The following SH3TC2 variants were observed in gnomAD, a reference collection of about 807,000 sequenced individuals.
SH3TC2 encodes SH3 domain and tetratricopeptide repeat-containing protein 2.
SH3TC2 carries 87 observed loss-of-function variants against 124.5 expected under a neutral mutation model. The observed-to-expected ratio is 0.70, with a 90% confidence interval of 0.59 to 0.84. The LOEUF (loss-of-function observed/expected upper bound fraction) is 0.84. SH3TC2 is among the 40% of genes least tolerant of loss of function. The probability of loss-of-function intolerance (pLI) is 0.00; values close to 1 mark genes in which losing one functional copy is unlikely to be tolerated. For synonymous variants in SH3TC2, 634 were observed against 628.5 expected (o/e 1.01, Z -0.13); for missense variants, 1,536 against 1,566.4 (o/e 0.98, Z 0.33).
At chr5:149,028,583 T>C (rs1250724229) in intron 10 of SH3TC2, 29 bp from the exon 11 acceptor site, 1 of 1,614,140 alleles carries the variant, frequency 6.2e-7, no homozygotes, top group Non-Finnish European at 8.5e-7. Context: ...TTGAGCAACC[T>C]TGGGCACCTG....
At position 148,999,669 on chromosome 5, in the gene SH3TC2, A is replaced by G. The variant is rs1305170125; in HGVS notation, c.*5042T>C. On this transcript the variant is annotated 3_prime_UTR_variant, in exon 17 of 17. Coordinates refer to ENST00000515425, the MANE Select transcript of SH3TC2 (RefSeq NM_024577.4). ...AGAACATTAGTGGGGAAAACTGTTG[A>G]TATCTGAATCAAGGCTGGAGTGTTG... Among the ~76,000 whole-genome samples, 2 of 152,218 alleles carry G rather than the reference A, an allele frequency of 1.3e-5. No individual in the cohort carries two copies. The highest frequency in any genetic ancestry group is 4.8e-5 in the African/African-American group (2 of 41,452).
chr5:149,020,669 T>C (rs1027716638), intron 12 of SH3TC2, among the ~76,000 whole-genome samples: 4 of 152,140 alleles, frequency 2.6e-5, no homozygotes, highest in African/African-American at 9.7e-5. Context: ...GTGGCTATGC[T>C]AATATCAGAT....
At chr5:149,009,050 G>A (rs372245799) in intron 14 of SH3TC2, 49 bp from the exon 15 acceptor site, 3 of 1,610,186 alleles carry the variant, frequency 1.9e-6, no homozygotes, top group African/African-American at 2.7e-5. Flanking sequence ...AATCCTCAGT[G>A]CATACCATAG....
At chr5:149,036,234 T>C (rs1375264828) in intron 8 of SH3TC2, among the ~76,000 whole-genome samples, 2 of 152,206 alleles carry the variant, frequency 1.3e-5, no homozygotes, top group African/African-American at 4.8e-5. Context: ...GAATGCCTTT[T>C]GGGGACCCTG....
At chr5:149,024,650 G>A (rs1384143010) in intron 12 of SH3TC2, among the ~76,000 whole-genome samples, 1 of 152,210 alleles carries the variant, frequency 6.6e-6, no homozygotes, top group Non-Finnish European at 1.5e-5. Flanking sequence ...GGTCATGGCA[G>A]GATCAGGTTT....
Position 149,004,487 on chromosome 5 carries a change from G to T in SH3TC2, c.*224C>A. 1 of 571,398 alleles carries T rather than the reference G, an allele frequency of 1.8e-6. No individual in the cohort carries two copies. Among genetic ancestry groups the T allele is most frequent in the Non-Finnish European group, 3.1e-6 (1 of 322,994 alleles). The allele number at this position is 571,398 out of a possible 1,614,324, so 35.4% of individuals were successfully genotyped here. A position where few individuals can be genotyped will look rare whatever the true frequency, so the allele number is the denominator to read the frequency against. ...GGAAGGCAACAGTCAACCGGTAAAG[G>T]CTCCAGATGCAAAGCCTGGAACCAG... On this transcript the variant is annotated 3_prime_UTR_variant, in exon 17 of 17. Transcript: ENST00000515425.
chr5:149,026,197 G>T, intron 12 of SH3TC2: 1 of 263,490 alleles, frequency 3.8e-6, no homozygotes, highest in Non-Finnish European at 7.4e-6. Context: ...CCTCAGTCAT[G>T]ATCCTGTGAC....
rs750811518 is a variant in SH3TC2 at position 149,010,379 on chromosome 5, G to T, written c.3218C>A (p.Thr1073Lys). The change falls in exon 14 of 17, where the codon ACA becomes AAA. Residue 1073 changes from threonine (T) to lysine (K), a missense_variant. By Grantham distance (78) the Thr-to-Lys change is moderately conservative. Coordinates refer to ENST00000515425, the MANE Select transcript of SH3TC2 (RefSeq NM_024577.4). Reference sequence around the variant, plus strand: ...CAAAGGCTCCTCTGACTTCAGGGCTGTCTGGATGGCTGCCTAGGTGGGACA... The same window carrying T: ...CAAAGGCTCCTCTGACTTCAGGGCTTTCTGGATGGCTGCCTAGGTGGGACA... ...VELCLQAAIQ[T>K]ALKSEEPLLA... The T allele has an allele frequency of 6.2e-7, 1 of 1,614,004 alleles. No individual in the cohort carries two copies. Among genetic ancestry groups the T allele is most frequent in the Non-Finnish European group, 8.5e-7 (1 of 1,180,028 alleles).
intron 8 of SH3TC2, among the ~76,000 whole-genome samples, chr5:149,033,376 C>G (rs1347826731): frequency 2.6e-5 from 4 of 152,170 alleles, no homozygotes; most frequent in Non-Finnish European, 5.9e-5. Context: ...CACTCTCCCC[C>G]ATATCTATAG....
At chr5:149,044,080 T>A (rs1290290555) in intron 4 of SH3TC2, 2 of 185,746 alleles carry the variant, frequency 1.1e-5, no homozygotes, top group Admixed American at 1.1e-4. Context: ...AGCAGATAAT[T>A]TCTCTATTTC....
Position 148,996,106 on chromosome 5 carries a change from G to A in SH3TC2, c.*8605C>T, listed in dbSNP as rs1010050394. On this transcript the variant is annotated 3_prime_UTR_variant, in exon 17 of 17. Coordinates refer to ENST00000515425, the MANE Select transcript of SH3TC2 (RefSeq NM_024577.4). Reference sequence around the variant, plus strand: ...AAACTACCAAAAAAAAAAAAAATTAGCTGGGAGTGGTTGTACATGCCTGTA... The same window carrying A: ...AAACTACCAAAAAAAAAAAAAATTAACTGGGAGTGGTTGTACATGCCTGTA... Among the ~76,000 whole-genome samples the A allele has an allele frequency of 2.0e-5, 3 of 150,808 alleles. 1 individual carries two copies. The South Asian group carries it at 6.3e-4, about 32-fold the overall frequency.
At chr5:149,057,804 C>A (rs547944301) in intron 1 of SH3TC2, 59 of 152,320 alleles carry the variant, frequency 3.9e-4, no homozygotes, top group African/African-American at 1.3e-3. Flanking sequence ...CCCATGTGAA[C>A]CCAGTCTATG....
chr5:149,027,932 G>A lies in SH3TC2; in HGVS notation c.1800C>T (p.Ala600=), dbSNP rs560935346. The A allele has an allele frequency of 5.6e-6, 9 of 1,614,096 alleles. No individual in the cohort carries two copies. In the Admixed American group the frequency reaches 8.3e-5, roughly 15 times the overall value. Residue 600 remains alanine (A), a synonymous_variant, in exon 11 of 17, where the codon GCC becomes GCT. Transcript: ENST00000515425. Reference sequence around the variant, plus strand: ...CACTAGACTCACGGTCAGGCAGGCAGGCCAGCAGGGCACCTGCCTTTTCCA... The same window carrying A: ...CACTAGACTCACGGTCAGGCAGGCAAGCCAGCAGGGCACCTGCCTTTTCCA... The part of the protein sequence containing the change: ...ALLEKAGALL[A]CLPDRESSAK...
intron 13 of SH3TC2, among the ~76,000 whole-genome samples, chr5:149,011,145 T>C (rs1163203466): frequency 6.6e-6 from 1 of 152,248 alleles, no homozygotes; most frequent in Non-Finnish European, 1.5e-5. Context: ...TCCAGAATGA[T>C]TCACTTCCAT....
chr5:149,019,763 T>C (rs1753936959), intron 12 of SH3TC2, among the ~76,000 whole-genome samples: 1 of 152,212 alleles, frequency 6.6e-6, no homozygotes, highest in Admixed American at 6.5e-5. Flanking sequence ...GCTTTTCAAC[T>C]TGCCTTAGAG....
Position 149,038,296 on chromosome 5 carries a change from T to A in SH3TC2, c.1000A>T (p.Met334Leu), listed in dbSNP as rs139653980. Residue 334 changes from methionine (M) to leucine (L), a missense_variant and splice_region_variant, in exon 8 of 17, where the codon ATG becomes TTG. Met to Leu is a conservative substitution (Grantham distance 15). Transcript: ENST00000515425. ...GACATGCTCACTGTCAATACTCACA[T>A]TGGGGAATAAGAATCAGGATCTATG... Reference protein sequence around the residue: ...RNIDPDSYSPMSRNSAFLSDE... With the variant: ...RNIDPDSYSPLSRNSAFLSDE... 1.2e-6 allele frequency: 2 copies of A among 1,613,534 alleles called. No individual in the cohort carries two copies. The highest frequency in any genetic ancestry group is 1.3e-5 in the African/African-American group (1 of 74,910).
intron 7 of SH3TC2, 128 bp from the exon 8 acceptor site, chr5:149,038,618 C>T (rs1332431280): frequency 1.5e-5 from 14 of 945,104 alleles, no homozygotes; most frequent in Non-Finnish European, 2.0e-5. Flanking sequence ...ACATTTCACT[C>T]CCCTCCCCAC....
rs1047760995 is a variant in SH3TC2, at chr5:148,988,493, G to A, written c.*16218C>T. On this transcript the variant is annotated 3_prime_UTR_variant, in exon 17 of 17. Coordinates refer to ENST00000515425, the MANE Select transcript of SH3TC2 (RefSeq NM_024577.4). ...AGCTCCCCGTTTAATCTCCTGGAATGCTAGCTCTTGGAATGCACTCTCTTG... is the reference window on the plus strand; with the variant it reads ...AGCTCCCCGTTTAATCTCCTGGAATACTAGCTCTTGGAATGCACTCTCTTG... 6.6e-6 allele frequency among the ~76,000 whole-genome samples: 1 copy of A among 152,202 alleles called. No homozygotes were observed. The highest frequency in any genetic ancestry group is 2.4e-5 in the African/African-American group (1 of 41,456).
chr5:149,061,120 G>T (rs1399790918), intron 1 of SH3TC2, among the ~76,000 whole-genome samples: 1 of 152,188 alleles, frequency 6.6e-6, no homozygotes, highest in Non-Finnish European at 1.5e-5. Flanking sequence ...CTAACTCTTG[G>T]TGAAAAGGTG....
Sources: gnomAD v4.1 joint callset for allele counts (sites outside exome capture counted in the v4.1 genomes callset) on GRCh38, gnomAD v4.1.1 for gene constraint, MANE v1.5 for transcripts, NCBI Gene and HGNC (gene_info 2026-07-23, HGNC 2026-07-21) for gene names.